MTCL1: variants seen among roughly 807,000 people sequenced by gnomAD.
The protein encoded by MTCL1 is microtubule crosslinking factor 1.
In MTCL1, 79 loss-of-function variants were observed where a neutral mutation model predicts 141.4. The ratio of observed to expected loss-of-function variants is 0.56; its 90% CI spans 0.47 to 0.67. The LOEUF is 0.67. Ranked by LOEUF, MTCL1 falls within the 30% of genes least tolerant of loss-of-function variation. The pLI is 0.00. For synonymous variants in MTCL1, 914 were observed against 875.8 expected (o/e 1.04, Z -0.77); for missense variants, 2,177 against 2,113.9 (o/e 1.03, Z -0.59).
intron 4 of MTCL1, among the ~76,000 whole-genome samples, chr18:8,737,700 G>A (rs1295327160): frequency 1.3e-5 from 2 of 152,154 alleles, no homozygotes; most frequent in African/African-American, 2.4e-5. Flanking sequence ...CACTGGGTTC[G>A]AGTCCCATGA....
At chr18:8,819,324 G>A (rs2076765296) in intron 13 of MTCL1, 65 bp downstream of exon 12, 1 of 1,548,418 alleles carries the variant, frequency 6.5e-7, no homozygotes, top group Non-Finnish European at 8.8e-7. Flanking sequence ...TGAAACCTAA[G>A]AGGCATCTGC....
At chr18:8,734,842 G>T (rs560889329) in intron 4 of MTCL1, among the ~76,000 whole-genome samples, 2 of 152,300 alleles carry the variant, frequency 1.3e-5, no homozygotes, top group Non-Finnish European at 2.9e-5. Context: ...GGTGACCCAG[G>T]CATCTGTGGT....
At chr18:8,805,383 C>A (rs1224309983) in intron 10 of MTCL1, among the ~76,000 whole-genome samples, 1 of 152,152 alleles carries the variant, frequency 6.6e-6, no homozygotes, top group Non-Finnish European at 1.5e-5. Context: ...CCTGCATTAA[C>A]TTGCTTAGGA....
At chr18:8,811,792 T>A (rs2076495668) in intron 11 of MTCL1, among the ~76,000 whole-genome samples, 1 of 152,166 alleles carries the variant, frequency 6.6e-6, no homozygotes, top group Non-Finnish European at 1.5e-5. Flanking sequence ...AATGAGGCAA[T>A]CTATGTGAAA....
exon 17 of MTCL1, chr18:8,831,649 T>C (rs1234145422): frequency 6.4e-7 from 1 of 1,550,534 alleles, no homozygotes; most frequent in Non-Finnish European, 8.7e-7. Context: ...AGAGCCCTGC[T>C]TCTCCAGGCC....
At chr18:8,749,472 A>G (rs1031789248) in intron 4 of MTCL1, among the ~76,000 whole-genome samples, 1 of 152,128 alleles carries the variant, frequency 6.6e-6, no homozygotes, top group Non-Finnish European at 1.5e-5. Context: ...GTGGTTGAAA[A>G]ACCACAGGAG....
chr18:8,829,009 G>A, intron 16 of MTCL1: 3 of 1,613,870 alleles, frequency 1.9e-6, no homozygotes, highest in Non-Finnish European at 2.5e-6. Flanking sequence ...GAGAGGTCGT[G>A]TTGTGTAACT....
In MTCL1 at chr18:8,810,875, T is replaced by C. The variant is rs528536760; in HGVS notation, c.2605-2104T>C. ...TGCTTCCTCAAGCCTTTCCCTGCTT[T>C]CTCTCCAAGCAGGCCTGAGTTCCAC... On this transcript the variant is annotated intron_variant, in intron 11 of 16. Transcript: ENST00000359865. This position sits in a 1 kb window ranked among gnomAD's most constrained non-coding sequence, Gnocchi z 5.0. Among the ~76,000 whole-genome samples the C allele has an allele frequency of 6.6e-6, 1 of 152,072 alleles. No individual in the cohort carries two copies. The highest frequency in any genetic ancestry group is 2.4e-5 in the African/African-American group (1 of 41,542).
intron 4 of MTCL1, among the ~76,000 whole-genome samples, chr18:8,722,459 C>T (rs954626763): frequency 2.0e-5 from 3 of 152,158 alleles, no homozygotes; most frequent in Non-Finnish European, 4.4e-5. Flanking sequence ...TAATAATAGC[C>T]TACTGTAGAC....
At chr18:8,739,518 C>T (rs188770355) in intron 4 of MTCL1, among the ~76,000 whole-genome samples, 11 of 152,256 alleles carry the variant, frequency 7.2e-5, no homozygotes, top group Non-Finnish European at 1.2e-4. Flanking sequence ...AATAATAAGA[C>T]TGCATCTTTC....
intron 4 of MTCL1, among the ~76,000 whole-genome samples, chr18:8,771,037 C>A (rs899311753): frequency 6.6e-6 from 1 of 152,162 alleles, no homozygotes; most frequent in East Asian, 1.9e-4. Flanking sequence ...GGGGAGGAGG[C>A]ATCTTCCAGC....
chr18:8,717,904 C>T (rs892010903), exon 2 of MTCL1: 19 of 991,950 alleles, frequency 1.9e-5, no homozygotes, highest in East Asian at 2.2e-4. Context: ...TTGTGGATAG[C>T]GTCGCTTAGT....
At chr18:8,754,775 GT>G (rs1449583394) in intron 4 of MTCL1, among the ~76,000 whole-genome samples, 1 of 152,082 alleles carries the variant, frequency 6.6e-6, no homozygotes, top group East Asian at 1.9e-4. Flanking sequence ...ATTCTCTCTT[GT>G]TCTCCATTTC....
chr18:8,784,785 C>G (rs200780094), exon 6 of MTCL1: 1 of 1,613,372 alleles, frequency 6.2e-7, no homozygotes, highest in East Asian at 2.2e-5. Flanking sequence ...ACTGTGACTT[C>G]CGTGTCCCGG....
intron 4 of MTCL1, among the ~76,000 whole-genome samples, chr18:8,755,962 A>G (rs1243213341): frequency 6.6e-6 from 1 of 152,194 alleles, no homozygotes; most frequent in African/African-American, 2.4e-5. Context: ...CACCATAGCA[A>G]AACCTTGTCT....
At chr18:8,724,150 T>A (rs2096192099) in intron 4 of MTCL1, among the ~76,000 whole-genome samples, 1 of 152,102 alleles carries the variant, frequency 6.6e-6, no homozygotes, top group South Asian at 2.1e-4. Flanking sequence ...GTTACGTGAA[T>A]TTTAACCTCA....
At chr18:8,831,875 C>G in exon 17 of MTCL1, 2 of 1,506,004 alleles carry the variant, frequency 1.3e-6, no homozygotes, top group Non-Finnish European at 1.8e-6. Flanking sequence ...GAACAAAACT[C>G]TGCCCAACAG....
At chr18:8,740,285 C>G (rs12953371) in intron 4 of MTCL1, among the ~76,000 whole-genome samples, 1 of 151,972 alleles carries the variant, frequency 6.6e-6, no homozygotes, top group Non-Finnish European at 1.5e-5. Flanking sequence ...CTTTAGAGCT[C>G]TCTTACTCCT....
chr18:8,725,420 G>A (rs1434054341), intron 4 of MTCL1, among the ~76,000 whole-genome samples: 1 of 152,160 alleles, frequency 6.6e-6, no homozygotes, highest in African/African-American at 2.4e-5. Context: ...ATTTAAATCT[G>A]TTAGATTGAA....
Sources: gnomAD v4.1 joint callset for allele counts (sites outside exome capture counted in the v4.1 genomes callset) on GRCh38, gnomAD v4.1.1 for gene constraint, Gnocchi (gnomAD v3.1) non-coding constraint, MANE v1.5 for transcripts, NCBI Gene and HGNC (gene_info 2026-07-23, HGNC 2026-07-21) for gene names.